MYT1L: variants seen among roughly 807,000 people sequenced by gnomAD.
The protein encoded by MYT1L is myelin transcription factor 1-like protein.
A neutral mutation model predicts 126.7 loss-of-function variants in MYT1L; 12 were observed. That is an observed-to-expected ratio of 0.09 (90% CI 0.06 to 0.15). MYT1L has a LOEUF of 0.15. Ranked by LOEUF, MYT1L falls within the 10% of genes least tolerant of loss-of-function variation. MYT1L has a pLI of 1.00. For synonymous variants in MYT1L, 541 were observed against 604.2 expected, an observed-to-expected ratio of 0.90 and a Z score of 1.53; for missense variants, 979 against 1,585.2, an observed-to-expected ratio of 0.62 and a Z score of 6.49.
intron 18 of MYT1L, among the ~76,000 whole-genome samples, chr2:1,880,643 C>G (rs935749853): frequency 6.6e-6 from 1 of 152,180 alleles, no homozygotes; most frequent in Admixed American, 6.5e-5. Flanking sequence ...TCAGTGGTAA[C>G]AGGTATTGAA....
chr2:1,855,487 C>T (rs1317021514), intron 18 of MYT1L, among the ~76,000 whole-genome samples: 1 of 152,158 alleles, frequency 6.6e-6, no homozygotes, highest in East Asian at 1.9e-4. Context: ...AGGGAGGCTG[C>T]GGCTCTCAGC....
At chr2:2,215,675 A>T (rs1303663094) in intron 2 of MYT1L, among the ~76,000 whole-genome samples, 1 of 152,216 alleles carries the variant, frequency 6.6e-6, no homozygotes, top group African/African-American at 2.4e-5. Flanking sequence ...CTATCAACCA[A>T]CTAAACCTAA....
intron 1 of MYT1L, among the ~76,000 whole-genome samples, chr2:2,301,827 A>T (rs2095791116): frequency 7.9e-6 from 1 of 126,056 alleles, no homozygotes; most frequent in Non-Finnish European, 1.8e-5. Flanking sequence ...TGTCTGTCTA[A>T]AAAAAAAAAA....
At chr2:2,106,238 T>C (rs2078743676) in intron 3 of MYT1L, among the ~76,000 whole-genome samples, 1 of 152,224 alleles carries the variant, frequency 6.6e-6, no homozygotes, top group African/African-American at 2.4e-5. Flanking sequence ...TGAGATAAAG[T>C]CTTTATTGTA....
intron 4 of MYT1L, among the ~76,000 whole-genome samples, chr2:2,010,187 T>G (rs2063692315): frequency 6.6e-6 from 1 of 152,196 alleles, no homozygotes; most frequent in Non-Finnish European, 1.5e-5. Flanking sequence ...CTGCTTCTCC[T>G]CCTGCTTAGC....
intron 4 of MYT1L, among the ~76,000 whole-genome samples, chr2:2,025,774 C>T (rs2065483864): frequency 6.6e-6 from 1 of 152,146 alleles, no homozygotes; most frequent in African/African-American, 2.4e-5. Context: ...CATAAATTTA[C>T]ATATAACATT....
At chr2:2,274,314 GA>G (rs2095318887) in intron 2 of MYT1L, among the ~76,000 whole-genome samples, 1 of 125,000 alleles carries the variant, frequency 8.0e-6, no homozygotes, top group Admixed American at 9.3e-5. Context: ...AAGAAGGAAG[GA>G]AAAAAGGAAG....
intron 3 of MYT1L, among the ~76,000 whole-genome samples, chr2:2,062,535 T>C (rs1383127849): frequency 6.6e-6 from 1 of 152,232 alleles, no homozygotes; most frequent in Non-Finnish European, 1.5e-5. Context: ...CCTGTCTTCC[T>C]CTGTCTTGAT....
intron 18 of MYT1L, among the ~76,000 whole-genome samples, chr2:1,870,934 G>A (rs983715274): frequency 7.2e-5 from 11 of 152,234 alleles, no homozygotes; most frequent in African/African-American, 2.4e-4. Context: ...TGGACCATCC[G>A]TTTCTCACTG....
At chr2:1,963,667 T>C (rs2059131248) in intron 8 of MYT1L, among the ~76,000 whole-genome samples, 1 of 152,244 alleles carries the variant, frequency 6.6e-6, no homozygotes, top group Non-Finnish European at 1.5e-5. Flanking sequence ...CTTTACCTTG[T>C]ACTTTTAAGT....
At chr2:2,304,598 C>T (rs1003252662) in intron 1 of MYT1L, among the ~76,000 whole-genome samples, 1 of 152,164 alleles carries the variant, frequency 6.6e-6, no homozygotes. Flanking sequence ...TTTCAGGGAG[C>T]AGGTTGCTGC....
At chr2:1,972,299 A>C (rs1462568355) in intron 8 of MYT1L, among the ~76,000 whole-genome samples, 1 of 152,236 alleles carries the variant, frequency 6.6e-6, no homozygotes, top group East Asian at 1.9e-4. Context: ...CTTACTAATT[A>C]AAATCAGTTT....
intron 22 of MYT1L, among the ~76,000 whole-genome samples, chr2:1,808,807 G>C (rs2036124222): frequency 1.3e-5 from 2 of 152,210 alleles, no homozygotes; most frequent in African/African-American, 4.8e-5. Flanking sequence ...TGGGGTTCCA[G>C]GGAGTAAATC....
At chr2:1,864,355 C>T (rs575204777) in intron 18 of MYT1L, among the ~76,000 whole-genome samples, 1 of 152,330 alleles carries the variant, frequency 6.6e-6, no homozygotes, top group African/African-American at 2.4e-5. Flanking sequence ...GCCCTCCCTG[C>T]CATGGGTGCA....
intron 2 of MYT1L, among the ~76,000 whole-genome samples, chr2:2,193,107 A>G (rs1221494075): frequency 1.3e-5 from 2 of 151,988 alleles, no homozygotes; most frequent in Admixed American, 6.6e-5. Context: ...CCTCCCAAGT[A>G]GCTGGGATTA....
chr2:2,152,355 G>T (rs891219347), intron 3 of MYT1L, among the ~76,000 whole-genome samples: 2 of 152,220 alleles, frequency 1.3e-5, no homozygotes, highest in South Asian at 2.1e-4. Context: ...TAAAACTTAT[G>T]AATTATTTCT....
intron 18 of MYT1L, 63 bp downstream of exon 18, chr2:1,886,474 ATT>A: frequency 8.4e-7 from 1 of 1,192,622 alleles, no homozygotes; most frequent in South Asian, 1.7e-5. Flanking sequence ...ATGACATATC[ATT>A]TTTTTTTGTG....
At chr2:2,125,231 G>A (rs1439791253) in intron 3 of MYT1L, among the ~76,000 whole-genome samples, 1 of 152,006 alleles carries the variant, frequency 6.6e-6, no homozygotes, top group Non-Finnish European at 1.5e-5. Flanking sequence ...GGTGGTCCAG[G>A]CCTTAGTGAG....
At chr2:1,812,432 C>T (rs760835081) in intron 21 of MYT1L, among the ~76,000 whole-genome samples, 91 of 152,160 alleles carry the variant, frequency 6.0e-4, no homozygotes, top group Non-Finnish European at 1.1e-3. Flanking sequence ...TGCCCAGTGA[C>T]GACTTCTGAA....
Sources: allele counts gnomAD v4.1 joint callset (sites outside exome capture counted in the v4.1 genomes callset), GRCh38; gene constraint gnomAD v4.1.1; transcripts MANE v1.5; gene names NCBI Gene and HGNC (gene_info 2026-07-23, HGNC 2026-07-21).